The following ZNF664 variants were observed in gnomAD, a reference collection of about 807,000 sequenced individuals.
ZNF664 encodes zinc finger Organ of Corti 1.
ZNF664 carries 10 observed loss-of-function variants against 18.2 expected under a neutral mutation model. The observed-to-expected ratio is 0.55, with a 90% CI of 0.34 to 0.93. The LOEUF is 0.93. ZNF664 is among the 40% of genes least tolerant of loss of function. The pLI is 0.02. For synonymous variants in ZNF664, 119 were observed against 104.2 expected, an observed-to-expected ratio of 1.14 and a Z score of -0.86; for missense variants, 193 against 319.0, an observed-to-expected ratio of 0.61 and a Z score of 3.01.
chr12:123,973,684 C>G, intron 1 of ZNF664: 1 of 920,504 alleles, frequency 1.1e-6, no homozygotes, highest in Middle Eastern at 4.0e-4. Context: ...CGAGGCCCCT[C>G]GGGAGCCGGA....
chr12:124,012,378 G>A lies in ZNF664; in HGVS notation c.234G>A (p.Lys78=). 2.5e-6 allele frequency: 4 copies of A among 1,614,222 alleles called. No homozygotes were observed. The highest frequency in any genetic ancestry group is 3.4e-6 in the Non-Finnish European group (4 of 1,180,032). The part of the protein sequence containing the change: ...FSTTTKLNRH[K]KIHTVEKPYK... ...CTACAACAAAACTTAATAGACATAAGAAAATCCACACAGTGGAGAAGCCCT... is the reference window on the plus strand; with the variant it reads ...CTACAACAAAACTTAATAGACATAAAAAAATCCACACAGTGGAGAAGCCCT... Residue 78 remains lysine (K), a synonymous_variant, in exon 5 of 5, where the codon AAG becomes AAA. Coordinates refer to ENST00000337815, the MANE Select transcript of ZNF664 (RefSeq NM_152437.3).
chr12:123,983,857 A>T (rs1388540513), intron 2 of ZNF664, among the ~76,000 whole-genome samples: 1 of 152,232 alleles, frequency 6.6e-6, no homozygotes, highest in Non-Finnish European at 1.5e-5. Flanking sequence ...TTACATTGTG[A>T]TAGGACTAGG....
chr12:124,003,940 A>C (rs1332618576), intron 3 of ZNF664, among the ~76,000 whole-genome samples: 2 of 152,176 alleles, frequency 1.3e-5, no homozygotes, highest in African/African-American at 4.8e-5. Context: ...GCGTGTATGG[A>C]TAGATGGAGA....
At chr12:123,984,033 T>C (rs1012902520) in intron 2 of ZNF664, among the ~76,000 whole-genome samples, 2 of 152,184 alleles carry the variant, frequency 1.3e-5, no homozygotes, top group Admixed American at 6.5e-5. Flanking sequence ...GAGCAGGTGT[T>C]TGAGTGCCCT....
At chr12:123,982,319 C>T (rs1956774589) in intron 2 of ZNF664, among the ~76,000 whole-genome samples, 1 of 152,178 alleles carries the variant, frequency 6.6e-6, no homozygotes. Context: ...TAGATGTCTT[C>T]ATCAGAGGTT....
intron 3 of ZNF664, among the ~76,000 whole-genome samples, chr12:123,999,418 A>G (rs923964554): frequency 2.6e-5 from 4 of 152,346 alleles, no homozygotes; most frequent in African/African-American, 4.8e-5. Context: ...GGGATTATAT[A>G]TAGTTAGTGC....
At chr12:123,975,752 TA>T (rs1956683016) in intron 2 of ZNF664, among the ~76,000 whole-genome samples, 1 of 152,178 alleles carries the variant, frequency 6.6e-6, no homozygotes, top group Admixed American at 6.5e-5. Flanking sequence ...ATAAGGCATA[TA>T]AATTAGTTGA....
In ZNF664 at chr12:123,994,662, C is replaced by T. The variant is rs577658781; in HGVS notation, c.-661+6524C>T. 1.9e-4 allele frequency among the ~76,000 whole-genome samples: 29 copies of T among 152,282 alleles called. No individual in the cohort carries two copies. In the South Asian group the frequency reaches 3.1e-3, roughly 16 times the overall value. ...TAGTAGCCTTTTCAGATAATTGTGG[C>T]TTTATCTGTGACATGACACCAAAAC... On this transcript the variant is annotated intron_variant, in intron 3 of 4. Transcript: ENST00000337815.
chr12:123,987,058 T>C (rs1956833876), intron 2 of ZNF664, among the ~76,000 whole-genome samples: 1 of 152,208 alleles, frequency 6.6e-6, no homozygotes, highest in African/African-American at 2.4e-5. Flanking sequence ...ATTTCTAATG[T>C]TAGTGATTTC....
At chr12:123,973,430 T>A in intron 1 of ZNF664, 78 bp downstream of exon 1, 3 of 340,454 alleles carry the variant, frequency 8.8e-6, no homozygotes, top group Non-Finnish European at 1.1e-5. Context: ...GGGAGCGGGC[T>A]GGGGGTGGGA....
At chr12:123,990,043 AT>A (rs1037652133) in intron 3 of ZNF664, among the ~76,000 whole-genome samples, 3 of 152,236 alleles carry the variant, frequency 2.0e-5, no homozygotes, top group Non-Finnish European at 4.4e-5. Context: ...TGACCCAGGT[AT>A]AAAAATAGCC....
intron 2 of ZNF664, among the ~76,000 whole-genome samples, chr12:123,981,899 A>G (rs1956769121): frequency 1.3e-5 from 2 of 152,234 alleles, no homozygotes; most frequent in African/African-American, 2.4e-5. Context: ...ATTGGGGCAT[A>G]TCTGTCTAGA....
intron 1 of ZNF664, chr12:123,973,621 CA>C (rs1009973186): frequency 1.3e-5 from 6 of 461,010 alleles, no homozygotes; most frequent in African/African-American, 1.3e-4. Flanking sequence ...CCGGGGGGCG[CA>C]GATGGCGGCC....
chr12:123,980,822 T>C (rs1956755875), intron 2 of ZNF664, among the ~76,000 whole-genome samples: 1 of 152,216 alleles, frequency 6.6e-6, no homozygotes, highest in Non-Finnish European at 1.5e-5. Context: ...TAAATAATCT[T>C]TTTTGTATTT....
chr12:124,001,863 CTT>C (rs1276177348), intron 3 of ZNF664, among the ~76,000 whole-genome samples: 3 of 152,196 alleles, frequency 2.0e-5, no homozygotes, highest in Non-Finnish European at 2.9e-5. Context: ...GCTTGAATGA[CTT>C]TGGAAGACAA....
chr12:123,994,019 A>T (rs7135314), intron 3 of ZNF664, among the ~76,000 whole-genome samples: 48,747 of 152,064 alleles, frequency 0.32, 7,978 homozygotes, highest in Middle Eastern at 0.37. Flanking sequence ...TGAATCCTTT[A>T]TAAAGCATCT....
intron 3 of ZNF664, among the ~76,000 whole-genome samples, chr12:124,007,417 T>G (rs1418389713): frequency 6.6e-6 from 1 of 152,182 alleles, no homozygotes; most frequent in African/African-American, 2.4e-5. Flanking sequence ...CCTGCTGGGG[T>G]TAGCTTGCCA....
chr12:123,973,680 C>T (rs1041151290), intron 1 of ZNF664: 1 of 863,942 alleles, frequency 1.2e-6, no homozygotes, highest in Non-Finnish European at 1.5e-6. Flanking sequence ...CGGGCGAGGC[C>T]CCTCGGGAGC....
chr12:123,976,021 G>C (rs1956687027), intron 2 of ZNF664, among the ~76,000 whole-genome samples: 4 of 152,210 alleles, frequency 2.6e-5, no homozygotes, highest in Admixed American at 2.0e-4. Flanking sequence ...TAAGATGTAT[G>C]AGATACGATT....
Sources: allele counts gnomAD v4.1 joint callset (sites outside exome capture counted in the v4.1 genomes callset), GRCh38; gene constraint gnomAD v4.1.1; transcripts MANE v1.5; gene names NCBI Gene and HGNC (gene_info 2026-07-23, HGNC 2026-07-21).